ABCA12: variants seen among roughly 807,000 people sequenced by gnomAD.
ABCA12 encodes glucosylceramide transporter ABCA12.
A neutral mutation model predicts 293.5 loss-of-function variants in ABCA12; 156 were observed. The ratio of observed to expected loss-of-function variants is 0.53; its 90% CI spans 0.47 to 0.61. The LOEUF is 0.61. ABCA12 is among the 20% of genes least tolerant of loss of function. The probability of loss-of-function intolerance (pLI) is 0.00; values close to 1 mark genes in which losing one functional copy is unlikely to be tolerated. For missense variants in ABCA12, 2,797 were observed against 3,090.2 expected (o/e 0.91, Z 2.25); for synonymous variants, 1,063 against 1,108.0 (o/e 0.96, Z 0.81).
chr2:214,994,987 C>T (rs981121502), intron 23 of ABCA12, among the ~76,000 whole-genome samples: 3 of 152,098 alleles, frequency 2.0e-5, no homozygotes, highest in African/African-American at 4.8e-5. Context: ...ATATACTCTT[C>T]TGTATATGTT....
chr2:215,015,549 A>T lies in ABCA12; in HGVS notation c.1897T>A (p.Ser633Thr). The change falls in exon 15 of 53, where the codon TCT (serine) becomes ACT (threonine). Residue 633 changes from serine to threonine, a missense_variant. Ser to Thr is a moderately conservative substitution (Grantham distance 58). Around this residue, in one of 3 missense-constraint regions of ABCA12, gnomAD observed 2,130 missense variants for 2,427.0 expected, o/e 0.88. Coordinates refer to ENST00000272895, the MANE Select transcript of ABCA12 (RefSeq NM_173076.3). ...AGAAGGGTGAGTCCGATGAGGTAAG[A>T]CTGCCGGGATCTCTCTGAAAGAGAC... ...NLSLSERSRQ[S>T]YLIGLTLLHY... The T allele has an allele frequency of 1.9e-6, 3 of 1,614,148 alleles. No homozygotes were observed. The highest frequency in any genetic ancestry group is 2.5e-6 in the Non-Finnish European group (3 of 1,180,014).
chr2:215,031,814 G>T lies in ABCA12; in HGVS notation c.1061+7C>A. Reference sequence around the variant, plus strand: ...ATCTACCTATTTAGAAATAAACAAAGACTTACTGTGCAGCCAGACTGCTTG... The same window carrying T: ...ATCTACCTATTTAGAAATAAACAAATACTTACTGTGCAGCCAGACTGCTTG... On this transcript the variant is annotated splice_region_variant and intron_variant, in intron 9 of 52. Transcript: ENST00000272895. 1 of 1,613,838 alleles carries T rather than the reference G, an allele frequency of 6.2e-7. No individual in the cohort carries two copies. Among genetic ancestry groups the T allele is most frequent in the South Asian group, 1.1e-5 (1 of 91,072 alleles).
intron 2 of ABCA12, among the ~76,000 whole-genome samples, chr2:215,093,511 G>A (rs1297824750): frequency 5.3e-5 from 8 of 152,010 alleles, no homozygotes; most frequent in Non-Finnish European, 7.4e-5. Context: ...AGGGCTGTGC[G>A]GTTAGAATTC....
intron 11 of ABCA12, 152 bp from the exon 12 acceptor site, chr2:215,019,948 G>C (rs750521458): frequency 4.0e-5 from 38 of 950,056 alleles, no homozygotes; most frequent in Non-Finnish European, 5.9e-5. Flanking sequence ...GTTTTATTAT[G>C]AAGTACTACC....
At chr2:214,963,547 C>T (rs1435768570) in intron 39 of ABCA12, among the ~76,000 whole-genome samples, 1 of 150,272 alleles carries the variant, frequency 6.7e-6, no homozygotes, top group Non-Finnish European at 1.5e-5. Context: ...GGAGAGACTC[C>T]TCCCTAACTA....
chr2:215,049,589 T>C (rs2106053903), intron 6 of ABCA12, 37 bp downstream of exon 6: 1 of 1,587,088 alleles, frequency 6.3e-7, no homozygotes, highest in African/African-American at 1.4e-5. Context: ...CTTTAATTCA[T>C]GTTGAGTCAC....
intron 3 of ABCA12, among the ~76,000 whole-genome samples, chr2:215,059,951 C>T (rs1467601871): frequency 6.6e-6 from 1 of 151,938 alleles, no homozygotes; most frequent in African/African-American, 2.4e-5. Flanking sequence ...TTCTGCTATT[C>T]TGGTAACCAC....
intron 11 of ABCA12, chr2:215,022,991 A>C (rs2106018145): frequency 6.6e-6 from 1 of 152,370 alleles, no homozygotes; most frequent in Middle Eastern, 3.4e-3. Context: ...AGGAGAAAAC[A>C]CAAAAGTTCA....
intron 11 of ABCA12, among the ~76,000 whole-genome samples, chr2:215,023,915 T>G (rs1386417478): frequency 1.3e-5 from 2 of 152,180 alleles, no homozygotes; most frequent in Non-Finnish European, 2.9e-5. Flanking sequence ...ACTTTCATGA[T>G]CAAATTCAAA....
intron 5 of ABCA12, among the ~76,000 whole-genome samples, chr2:215,051,647 T>TGTGTGTGTGTGA (rs1559167760): frequency 1.4e-5 from 2 of 147,750 alleles, no homozygotes; most frequent in South Asian, 2.2e-4. Context: ...TGTGTGTGTG[T>TGTGTGTGTGTGA]GAAGGTGATG....
At chr2:215,074,502 AGGATAGGAAAAAATAAAGCCAAT>A (rs1441968274) in intron 2 of ABCA12, among the ~76,000 whole-genome samples, 3 of 152,214 alleles carry the variant, frequency 2.0e-5, no homozygotes, top group Non-Finnish European at 4.4e-5. Context: ...AGAACAAACA[AGGATAGGAAAAAATAAAGCCAAT>A]ACAATAATAT....
chr2:215,058,650 T>C (rs1242760215), intron 3 of ABCA12, among the ~76,000 whole-genome samples: 1 of 151,954 alleles, frequency 6.6e-6, no homozygotes, highest in Non-Finnish European at 1.5e-5. Context: ...AATCACCAAG[T>C]GGCCCATGGC....
At chr2:215,103,561 G>T (rs946057789) in intron 2 of ABCA12, among the ~76,000 whole-genome samples, 1 of 151,914 alleles carries the variant, frequency 6.6e-6, no homozygotes, top group African/African-American at 2.4e-5. Flanking sequence ...ATGAGCCATG[G>T]CACCTGGCCC....
intron 2 of ABCA12, among the ~76,000 whole-genome samples, chr2:215,079,714 CTT>C (rs77890140): frequency 0.48 from 73,185 of 151,790 alleles, 18,874 homozygotes; most frequent in South Asian, 0.68. Context: ...GCATCAGACT[CTT>C]TTAATTTTTC....
chr2:214,978,428 A>T lies in ABCA12; in HGVS notation c.5016T>A (p.Ser1672Arg). Residue 1672 changes from serine (S) to arginine (R), a missense_variant, in exon 33 of 53, where the codon AGT becomes AGA. Transcript: ENST00000272895. Reference protein sequence around the residue: ...LNLTKESQKNSAMSLEHLTQK... With the variant: ...LNLTKESQKNRAMSLEHLTQK... ...GTGTTAAGTGCTCAAGACTCATAGC[A>T]CTATTTTTTTGTGACTCTTTGGTCA... 1 of 1,613,796 alleles carries T rather than the reference A, an allele frequency of 6.2e-7. No homozygotes were observed. The highest frequency in any genetic ancestry group is 8.5e-7 in the Non-Finnish European group (1 of 1,179,828).
chr2:215,048,314 G>A (rs1442579986), intron 6 of ABCA12, among the ~76,000 whole-genome samples: 1 of 152,066 alleles, frequency 6.6e-6, no homozygotes, highest in East Asian at 1.9e-4. Flanking sequence ...TCCCATTACT[G>A]GGTATATACC....
intron 3 of ABCA12, among the ~76,000 whole-genome samples, chr2:215,059,525 T>C (rs1015975910): frequency 6.6e-6 from 1 of 152,052 alleles, no homozygotes; most frequent in Non-Finnish European, 1.5e-5. Flanking sequence ...ACATTAAGAT[T>C]TAGAAATGAC....
intron 3 of ABCA12, among the ~76,000 whole-genome samples, chr2:215,060,933 A>G (rs1054947887): frequency 4.6e-5 from 7 of 152,038 alleles, no homozygotes; most frequent in African/African-American, 1.7e-4. Flanking sequence ...AGAAATAGGG[A>G]GCAAATCCAC....
In ABCA12 at chr2:214,974,816, G is replaced by A; in HGVS notation, c.5430C>T (p.Phe1810=). Residue 1810 remains phenylalanine (F), a synonymous_variant, in exon 35 of 53, where the codon TTC becomes TTT. Coordinates refer to ENST00000272895, the MANE Select transcript of ABCA12 (RefSeq NM_173076.3). ...TCAGACACATGTTGTCAATTCCAGG[G>A]AAGTCCCACATTGCTGAGACAAGTG... ...TEALVSAMWD[F]PGIDNMCLNT... 1.2e-6 allele frequency: 2 copies of A among 1,614,078 alleles called. No individual in the cohort carries two copies. The highest frequency in any genetic ancestry group is 8.5e-7 in the Non-Finnish European group (1 of 1,179,980).
Sources: allele counts gnomAD v4.1 joint callset (sites outside exome capture counted in the v4.1 genomes callset), GRCh38; gene constraint gnomAD v4.1.1; regional missense constraint gnomAD v4.1.1; transcripts MANE v1.5; gene names NCBI Gene and HGNC (gene_info 2026-07-23, HGNC 2026-07-21).